The following SBF2 variants were observed in gnomAD, a reference collection of about 807,000 sequenced individuals.
SBF2 encodes myotubularin-related protein 13.
In SBF2, 112 loss-of-function variants were observed where a neutral mutation model predicts 225.2. The ratio of observed to expected loss-of-function variants is 0.50; its 90% confidence interval spans 0.43 to 0.58. The LOEUF (loss-of-function observed/expected upper bound fraction) is 0.58, where lower values mean the gene tolerates loss of function less well. SBF2 is among the 20% of genes least tolerant of loss of function. SBF2 has a pLI of 0.00. For synonymous variants in SBF2, 763 were observed against 773.3 expected (o/e 0.99, Z 0.22); for missense variants, 1,996 against 2,206.2 (o/e 0.90, Z 1.91).
intron 17 of SBF2, among the ~76,000 whole-genome samples, chr11:9,890,494 G>A (rs995435483): frequency 1.3e-5 from 2 of 152,160 alleles, no homozygotes; most frequent in Admixed American, 6.5e-5. Flanking sequence ...TTATTCTGAA[G>A]TAAGACCTAA....
chr11:10,001,093 C>T, intron 7 of SBF2, 71 bp from the exon 8 acceptor site: 1 of 830,062 alleles, frequency 1.2e-6, no homozygotes, highest in Non-Finnish European at 2.1e-6. Context: ...CATCTTTATG[C>T]TGTGTTAAGT....
At chr11:10,047,620 T>C (rs772924351) in intron 2 of SBF2, among the ~76,000 whole-genome samples, 4 of 152,278 alleles carry the variant, frequency 2.6e-5, no homozygotes, top group Non-Finnish European at 4.4e-5. Flanking sequence ...TCCTCTTTTG[T>C]ACAGACGTTT....
chr11:10,256,614 A>G (rs1248588851), intron 1 of SBF2, among the ~76,000 whole-genome samples: 2 of 152,236 alleles, frequency 1.3e-5, no homozygotes, highest in African/African-American at 4.8e-5. Flanking sequence ...CTGTTTGCCC[A>G]TATACATTTG....
At chr11:9,993,808 CT>C (rs1489373154) in intron 10 of SBF2, 112 bp downstream of exon 10, 4 of 1,126,930 alleles carry the variant, frequency 3.5e-6, no homozygotes, top group Non-Finnish European at 3.8e-6. Flanking sequence ...ATTTGGGGCA[CT>C]TTTTACTCTG....
At chr11:9,906,401 T>C (rs189277123) in intron 16 of SBF2, among the ~76,000 whole-genome samples, 2 of 152,254 alleles carry the variant, frequency 1.3e-5, no homozygotes, top group East Asian at 3.9e-4. Context: ...AATTAAACAA[T>C]GGGGAATTTC....
chr11:10,299,076 C>A (rs142127780), upstream of SBF2, among the ~76,000 whole-genome samples: 1 of 152,110 alleles, frequency 6.6e-6, no homozygotes, highest in Admixed American at 6.5e-5. Flanking sequence ...TGGTGGCTCA[C>A]GCCTGTAATC....
chr11:10,255,538 A>G (rs1960794264), intron 1 of SBF2, among the ~76,000 whole-genome samples: 1 of 152,222 alleles, frequency 6.6e-6, no homozygotes, highest in Non-Finnish European at 1.5e-5. Flanking sequence ...TATCCTCCAG[A>G]TATTCGTTTT....
intron 1 of SBF2, among the ~76,000 whole-genome samples, chr11:10,214,416 G>A (rs1958053051): frequency 6.6e-6 from 1 of 152,168 alleles, no homozygotes; most frequent in Admixed American, 6.5e-5. Context: ...AAGGTCAGGA[G>A]ATCCAGACCA....
intron 16 of SBF2, chr11:9,928,975 C>A: frequency 2.1e-6 from 1 of 478,640 alleles, no homozygotes. Flanking sequence ...GCAGAGATAA[C>A]TTGCAACATC....
chr11:9,912,597 C>T (rs1862732652), intron 16 of SBF2, among the ~76,000 whole-genome samples: 2 of 152,084 alleles, frequency 1.3e-5, no homozygotes, highest in Admixed American at 6.5e-5. Context: ...GAAAAAAATT[C>T]TAATTTTTAG....
chr11:10,108,392 A>G (rs1305707356), intron 2 of SBF2, among the ~76,000 whole-genome samples: 2 of 152,168 alleles, frequency 1.3e-5, no homozygotes, highest in African/African-American at 4.8e-5. Context: ...GCACTAATTC[A>G]GAGTTCCCTG....
At chr11:10,042,709 CATA>C in intron 3 of SBF2, 132 bp downstream of exon 3, 1 of 799,288 alleles carries the variant, frequency 1.3e-6, no homozygotes, top group Non-Finnish European at 2.1e-6. Context: ...CAACCTTAAA[CATA>C]AAAATTTCTT....
At chr11:9,806,772 A>C (rs1440777582) in intron 32 of SBF2, among the ~76,000 whole-genome samples, 2 of 152,316 alleles carry the variant, frequency 1.3e-5, no homozygotes, top group East Asian at 1.9e-4. Context: ...GTCACTGCTC[A>C]TGAGTATGGA....
chr11:10,087,152 T>C (rs2134894722), intron 2 of SBF2, among the ~76,000 whole-genome samples: 1 of 152,092 alleles, frequency 6.6e-6, no homozygotes, highest in South Asian at 2.1e-4. Context: ...AAATCTTCCA[T>C]CTTCTGGGTC....
chr11:9,900,733 TA>T (rs973488267), intron 16 of SBF2, among the ~76,000 whole-genome samples: 6 of 152,292 alleles, frequency 3.9e-5, no homozygotes, highest in African/African-American at 9.6e-5. Flanking sequence ...AAAGATCATT[TA>T]AAAAAATTTT....
intron 13 of SBF2, among the ~76,000 whole-genome samples, chr11:9,976,795 G>A (rs1421523420): frequency 6.6e-6 from 1 of 150,776 alleles, no homozygotes; most frequent in Non-Finnish European, 1.5e-5. Flanking sequence ...TTGAGATGGA[G>A]TCTCGCTCTG....
intron 13 of SBF2, among the ~76,000 whole-genome samples, chr11:9,975,612 C>T (rs1263633137): frequency 6.6e-6 from 1 of 152,108 alleles, no homozygotes; most frequent in Non-Finnish European, 1.5e-5. Context: ...AAAAAGTATA[C>T]ATTTTACTGT....
At chr11:10,127,178 A>T (rs1007850616) in intron 2 of SBF2, among the ~76,000 whole-genome samples, 1 of 152,172 alleles carries the variant, frequency 6.6e-6, no homozygotes, top group African/African-American at 2.4e-5. Flanking sequence ...TACAACACTT[A>T]AAATGGTACA....
intron 8 of SBF2, among the ~76,000 whole-genome samples, chr11:9,998,908 T>C (rs1278477014): frequency 1.3e-5 from 2 of 152,226 alleles, no homozygotes; most frequent in African/African-American, 2.4e-5. Context: ...GATTTTACTA[T>C]ATATGCTGCT....
Sources: allele counts gnomAD v4.1 joint callset (sites outside exome capture counted in the v4.1 genomes callset), GRCh38; gene constraint gnomAD v4.1.1; transcripts MANE v1.5; gene names NCBI Gene and HGNC (gene_info 2026-07-23, HGNC 2026-07-21).